ARHGAP10: variants seen among roughly 807,000 people sequenced by gnomAD.
ARHGAP10 encodes the protein rho GTPase-activating protein 10.
Under a neutral mutation model 108.6 loss-of-function variants are expected in ARHGAP10, and 87 were observed. The observed-to-expected ratio is 0.80, with a 90% CI of 0.67 to 0.96. The LOEUF is 0.96. ARHGAP10 is among the 40% of genes least tolerant of loss of function. The pLI, the probability that ARHGAP10 is intolerant of heterozygous loss-of-function variation, is 0.00. For synonymous variants in ARHGAP10, 347 were observed against 341.1 expected (o/e 1.02, Z -0.19); for missense variants, 939 against 954.5 (o/e 0.98, Z 0.21).
chr4:147,893,283 C>T (rs1377559760), intron 10 of ARHGAP10, among the ~76,000 whole-genome samples: 3 of 151,862 alleles, frequency 2.0e-5, no homozygotes, highest in Non-Finnish European at 2.9e-5. Context: ...GTCTTAAACT[C>T]CTGACCTCAG....
intron 1 of ARHGAP10, among the ~76,000 whole-genome samples, chr4:147,755,311 C>A (rs1047663449): frequency 1.3e-5 from 2 of 152,074 alleles, no homozygotes; most frequent in African/African-American, 4.8e-5. Flanking sequence ...TCAGTCTGGG[C>A]GTTCTGTGTT....
intron 18 of ARHGAP10, 78 bp from the exon 19 acceptor site, chr4:148,023,185 G>C (rs151208860): frequency 6.6e-7 from 1 of 1,514,880 alleles, no homozygotes. Flanking sequence ...ATCAAATGTT[G>C]TGGTGCTGGT....
chr4:147,935,471 A>G (rs1737885694), intron 13 of ARHGAP10, among the ~76,000 whole-genome samples: 1 of 152,244 alleles, frequency 6.6e-6, no homozygotes, highest in South Asian at 2.1e-4. Context: ...GTTTGAAGAA[A>G]GAGTGGACAT....
At chr4:147,852,041 G>A (rs1038451135) in intron 4 of ARHGAP10, among the ~76,000 whole-genome samples, 19 of 152,318 alleles carry the variant, frequency 1.2e-4, no homozygotes, top group Middle Eastern at 3.4e-3. Context: ...TATTGTGAGA[G>A]TTGAGTGAAT....
intron 1 of ARHGAP10, among the ~76,000 whole-genome samples, chr4:147,756,507 T>G (rs557239117): frequency 4.6e-5 from 7 of 152,202 alleles, no homozygotes; most frequent in Non-Finnish European, 8.8e-5. Context: ...CAGTTACCCA[T>G]GATCTGAAAA....
intron 13 of ARHGAP10, among the ~76,000 whole-genome samples, chr4:147,939,330 C>T (rs2126960900): frequency 6.6e-6 from 1 of 152,282 alleles, no homozygotes; most frequent in African/African-American, 2.4e-5. Context: ...CAGCTCCTCA[C>T]TGGACAGGAC....
intron 1 of ARHGAP10, among the ~76,000 whole-genome samples, chr4:147,789,991 A>ATT (rs767313173): frequency 2.4e-3 from 279 of 117,808 alleles, no homozygotes; most frequent in African/African-American, 4.8e-3. Context: ...TGGTGTGTGG[A>ATT]TTTTTTTTTT....
intron 13 of ARHGAP10, among the ~76,000 whole-genome samples, chr4:147,932,021 C>T (rs1356227832): frequency 6.6e-6 from 1 of 152,130 alleles, no homozygotes; most frequent in Non-Finnish European, 1.5e-5. Context: ...ACAGACACTT[C>T]TCAAGACAAG....
chr4:147,832,060 CTCT>C (rs1176625318), intron 3 of ARHGAP10, among the ~76,000 whole-genome samples: 3 of 152,074 alleles, frequency 2.0e-5, no homozygotes, highest in Non-Finnish European at 4.4e-5. Context: ...CAACTCTGCT[CTCT>C]TCTTCCCCCT....
At position 147,887,590 on chromosome 4, in the gene ARHGAP10, G is replaced by A. The variant is rs144185537; in HGVS notation, c.1034+5658G>A. 9.0e-3 allele frequency among the ~76,000 whole-genome samples: 1,367 copies of A among 152,046 alleles called. 33 individuals are homozygous for A. Among genetic ancestry groups the A allele is most frequent in the African/African-American group, 0.031 (1,271 of 41,482 alleles). Reference sequence around the variant, plus strand: ...TCACATTTCTTTCCTGGCCAGGTGCGGTGGCTCATGCCTGTAATCCCAGCA... The same window carrying A: ...TCACATTTCTTTCCTGGCCAGGTGCAGTGGCTCATGCCTGTAATCCCAGCA... On this transcript the variant is annotated intron_variant, in intron 10 of 22. Transcript: ENST00000336498.
chr4:147,959,159 C>CGAATA (rs1738894269), intron 16 of ARHGAP10, among the ~76,000 whole-genome samples: 1 of 151,202 alleles, frequency 6.6e-6, no homozygotes, highest in Non-Finnish European at 1.5e-5. Flanking sequence ...GAAATGATTG[C>CGAATA]GAATAGAAAG....
At chr4:147,789,531 C>T (rs1383225539) in intron 1 of ARHGAP10, among the ~76,000 whole-genome samples, 1 of 152,182 alleles carries the variant, frequency 6.6e-6, no homozygotes, top group Non-Finnish European at 1.5e-5. Flanking sequence ...GCCTCGGCCT[C>T]CCAAAGTGCT....
At chr4:147,786,121 C>A (rs370456785) in intron 1 of ARHGAP10, among the ~76,000 whole-genome samples, 2 of 151,900 alleles carry the variant, frequency 1.3e-5, no homozygotes, top group African/African-American at 4.8e-5. Context: ...AGGGGGAGAC[C>A]CTGGGCTGAG....
At chr4:148,018,572 C>CAAA (rs397995742) in intron 18 of ARHGAP10, among the ~76,000 whole-genome samples, 5 of 75,426 alleles carry the variant, frequency 6.6e-5, no homozygotes, top group African/African-American at 1.9e-4. Flanking sequence ...TTTGTATCCA[C>CAAA]AAAAAAAAAA....
At chr4:147,836,384 A>G (rs1733171592) in intron 3 of ARHGAP10, among the ~76,000 whole-genome samples, 1 of 152,254 alleles carries the variant, frequency 6.6e-6, no homozygotes. Context: ...GAAAGTTGAT[A>G]AAATTCTTAC....
chr4:147,996,835 T>C (rs1404709625), intron 18 of ARHGAP10, among the ~76,000 whole-genome samples: 3 of 152,134 alleles, frequency 2.0e-5, no homozygotes, highest in African/African-American at 4.8e-5. Flanking sequence ...AAGAGGTACA[T>C]GCACAGAGCA....
chr4:147,949,646 A>G (rs2126976082), intron 15 of ARHGAP10, among the ~76,000 whole-genome samples: 1 of 151,620 alleles, frequency 6.6e-6, no homozygotes, highest in African/African-American at 2.4e-5. Flanking sequence ...AGAGTAGGTA[A>G]GGGATATAAA....
chr4:147,990,495 C>T (rs1740227162), intron 18 of ARHGAP10, among the ~76,000 whole-genome samples: 1 of 152,194 alleles, frequency 6.6e-6, no homozygotes, highest in Admixed American at 6.5e-5. Context: ...TGAAGCGGGC[C>T]TCTACAGAGG....
At chr4:147,753,741 A>AT (rs1355185483) in intron 1 of ARHGAP10, among the ~76,000 whole-genome samples, 1 of 151,936 alleles carries the variant, frequency 6.6e-6, no homozygotes. Flanking sequence ...TGAGAGAATG[A>AT]TTTTTTTCCC....
Sources: gnomAD v4.1 joint callset for allele counts (sites outside exome capture counted in the v4.1 genomes callset) on GRCh38, gnomAD v4.1.1 for gene constraint, MANE v1.5 for transcripts, NCBI Gene and HGNC (gene_info 2026-07-23, HGNC 2026-07-21) for gene names.